The following CCDC60 variants were observed in gnomAD, a reference collection of about 807,000 sequenced individuals.
The protein encoded by CCDC60 is coiled-coil domain-containing protein 60.
Under a neutral mutation model 63.5 loss-of-function variants are expected in CCDC60, and 54 were observed. The ratio of observed to expected loss-of-function variants is 0.85; its 90% CI spans 0.68 to 1.07. The LOEUF (loss-of-function observed/expected upper bound fraction) is 1.07. CCDC60 is among the 50% of genes least tolerant of loss of function. The pLI, the probability that CCDC60 is intolerant of heterozygous loss-of-function variation, is 0.00. For missense variants in CCDC60, 651 were observed against 684.3 expected, an observed-to-expected ratio of 0.95 and a Z score of 0.54; for synonymous variants, 206 against 238.8, an observed-to-expected ratio of 0.86 and a Z score of 1.27.
rs80255324 is a variant in CCDC60, at chr12:119,485,550, C to T, written c.450-3209C>T. Among the ~76,000 whole-genome samples, 58 of 152,286 alleles carry T rather than the reference C, an allele frequency of 3.8e-4. No individual in the cohort carries two copies. In the East Asian group the frequency reaches 0.011, roughly 29 times the overall value. On this transcript the variant is annotated intron_variant, in intron 4 of 13. Coordinates refer to ENST00000327554, the MANE Select transcript of CCDC60 (RefSeq NM_178499.5). ...CCCAACCCTCTCGAGGTTGGAGGAT[C>T]GCTCTCTCCCTGTCTTCTCTGTGTC...
chr12:119,382,366 G>C (rs1956016101), intron 1 of CCDC60, among the ~76,000 whole-genome samples: 1 of 152,208 alleles, frequency 6.6e-6, no homozygotes, highest in Non-Finnish European at 1.5e-5. Flanking sequence ...TGTGGGTACA[G>C]GGAAGCACGA....
At chr12:119,470,962 T>C (rs1951044909) in intron 2 of CCDC60, among the ~76,000 whole-genome samples, 2 of 152,160 alleles carry the variant, frequency 1.3e-5, no homozygotes, top group South Asian at 4.1e-4. Flanking sequence ...GGAGAACAAA[T>C]AAAATTGATG....
chr12:119,490,602 T>C (rs1430855919), intron 5 of CCDC60, among the ~76,000 whole-genome samples: 1 of 152,136 alleles, frequency 6.6e-6, no homozygotes, highest in Non-Finnish European at 1.5e-5. Flanking sequence ...TCTTGCTCTG[T>C]TGCCCAGGCT....
intron 2 of CCDC60, among the ~76,000 whole-genome samples, chr12:119,450,897 T>C (rs1950622458): frequency 1.4e-5 from 2 of 146,116 alleles, no homozygotes; most frequent in South Asian, 4.4e-4. Flanking sequence ...ATAAGACAAA[T>C]CCAGCTCTCA....
Position 119,500,011 on chromosome 12 carries a change from C to A in CCDC60, c.558-67C>A, listed in dbSNP as rs576951845. Reference sequence around the variant, plus strand: ...CATTCCTCCTCTATTTATTGCATTTCTTAAAAGAACTTGTAATAAACCAAG... The same window carrying A: ...CATTCCTCCTCTATTTATTGCATTTATTAAAAGAACTTGTAATAAACCAAG... On this transcript the variant is annotated intron_variant, in intron 5 of 13. Coordinates refer to ENST00000327554, the MANE Select transcript of CCDC60 (RefSeq NM_178499.5). 18 of 1,116,734 alleles carry A rather than the reference C, an allele frequency of 1.6e-5. No individual in the cohort carries two copies. In the South Asian group the frequency reaches 2.2e-4, roughly 14 times the overall value. 69.2% of individuals were successfully genotyped at this position (1,116,734 alleles called of 1,614,324 possible).
rs1177187503 is a variant in CCDC60, at chr12:119,507,515, TACATATATATAC to T, written c.883+2238_883+2249del. On this transcript the variant is annotated intron_variant, in intron 7 of 13. Coordinates refer to ENST00000327554, the MANE Select transcript of CCDC60 (RefSeq NM_178499.5). ...ATATACATATATACACACATATATA[TACATATATATAC>T]ACATATATATACACATATATATACA... Among the ~76,000 whole-genome samples, 265 of 125,312 alleles carry T rather than the reference TACATATATATAC, an allele frequency of 2.1e-3. 2 individuals are homozygous for T. The highest frequency in any genetic ancestry group is 8.2e-3 in the Middle Eastern group (2 of 244). The allele number at this position is 125,312 out of a possible 152,430, so 82.2% of individuals were successfully genotyped here.
At chr12:119,408,819 C>T (rs1321107370) in intron 1 of CCDC60, among the ~76,000 whole-genome samples, 3 of 140,778 alleles carry the variant, frequency 2.1e-5, no homozygotes, top group Admixed American at 7.5e-5. Context: ...AGCGAGACTC[C>T]GTCTCAAAAA....
At chr12:119,429,067 T>C in intron 2 of CCDC60, 1 of 274,240 alleles carries the variant, frequency 3.6e-6, no homozygotes, top group Non-Finnish European at 6.9e-6. Context: ...CCTTTTTTAC[T>C]CCAGACACAC....
intron 1 of CCDC60, among the ~76,000 whole-genome samples, chr12:119,380,092 C>G (rs185121237): frequency 2.6e-5 from 4 of 152,318 alleles, no homozygotes; most frequent in African/African-American, 9.6e-5. Context: ...TAGTTCATCC[C>G]TCACACACAC....
chr12:119,378,365 C>T (rs1955975778), intron 1 of CCDC60, among the ~76,000 whole-genome samples: 1 of 152,174 alleles, frequency 6.6e-6, no homozygotes, highest in South Asian at 2.1e-4. Flanking sequence ...ATTTTACAGG[C>T]TTCTCTTTGT....
At chr12:119,509,458 T>C (rs1349605069) in intron 7 of CCDC60, among the ~76,000 whole-genome samples, 6 of 152,096 alleles carry the variant, frequency 3.9e-5, no homozygotes, top group African/African-American at 1.2e-4. Flanking sequence ...AATAAATTAC[T>C]CCTTGTGGTA....
chr12:119,470,336 T>C (rs1016152677), intron 2 of CCDC60, among the ~76,000 whole-genome samples: 2 of 152,126 alleles, frequency 1.3e-5, no homozygotes, highest in Admixed American at 1.3e-4. Context: ...GGGGGGTAAA[T>C]GTTTTATCTT....
At chr12:119,390,772 G>A (rs371072779) in intron 1 of CCDC60, among the ~76,000 whole-genome samples, 15 of 152,328 alleles carry the variant, frequency 9.8e-5, no homozygotes, top group South Asian at 6.2e-4. Flanking sequence ...TCTAGTTCCC[G>A]AGCCACACTT....
intron 8 of CCDC60, among the ~76,000 whole-genome samples, chr12:119,518,588 C>T (rs1395676657): frequency 6.6e-6 from 1 of 152,090 alleles, no homozygotes; most frequent in Non-Finnish European, 1.5e-5. Context: ...TAAAATATTA[C>T]TAATGTTATG....
At chr12:119,339,546 G>C (rs1169857421) in intron 1 of CCDC60, among the ~76,000 whole-genome samples, 1 of 152,130 alleles carries the variant, frequency 6.6e-6, no homozygotes, top group East Asian at 1.9e-4. Flanking sequence ...ACACTTTGGG[G>C]GGGGCCGAGG....
rs183790035 is a variant in CCDC60 at position 119,397,080 on chromosome 12, G to T, written c.91-31603G>T. ...AAAGGCAGGGCATCTGGAGTTGTTC[G>T]TTCCTCCCCTCCAGAGTTGTTCATT... is the stretch of plus-strand genomic sequence containing the variant. On this transcript the variant is annotated intron_variant, in intron 1 of 13. Transcript: ENST00000327554. Among the ~76,000 whole-genome samples the T allele has an allele frequency of 2.6e-5, 4 of 151,648 alleles. No homozygotes were observed. In the South Asian group the frequency reaches 8.4e-4, roughly 32 times the overall value.
intron 7 of CCDC60, among the ~76,000 whole-genome samples, chr12:119,516,397 G>C (rs112741466): frequency 6.6e-6 from 1 of 152,134 alleles, no homozygotes; most frequent in Admixed American, 6.5e-5. Context: ...TTAGCCAAAC[G>C]TAACACAGAA....
At position 119,423,197 on chromosome 12, in the gene CCDC60, C is replaced by T. The variant is rs117535145; in HGVS notation, c.91-5486C>T. On this transcript the variant is annotated intron_variant, in intron 1 of 13. Transcript: ENST00000327554. ...TATGACAATTTTTGGGGGGGCGAGG[C>T]GCATGACCACAATTCTGGATATGCA... Among the ~76,000 whole-genome samples the T allele has an allele frequency of 2.2e-4, 34 of 152,112 alleles. No individual in the cohort carries two copies. The East Asian group carries it at 5.6e-3, about 25-fold the overall frequency.
intron 2 of CCDC60, among the ~76,000 whole-genome samples, chr12:119,457,865 C>A (rs1950777341): frequency 6.6e-6 from 1 of 152,202 alleles, no homozygotes; most frequent in Non-Finnish European, 1.5e-5. Flanking sequence ...ATGATTCTCA[C>A]CTTCTTGTCA....
Sources: gnomAD v4.1 joint callset for allele counts (sites outside exome capture counted in the v4.1 genomes callset) on GRCh38, gnomAD v4.1.1 for gene constraint, MANE v1.5 for transcripts, NCBI Gene and HGNC (gene_info 2026-07-23, HGNC 2026-07-21) for gene names.